The following PPP2R1B variants were observed in gnomAD, a reference collection of about 807,000 sequenced individuals.
PPP2R1B encodes protein phosphatase 2 scaffold subunit Abeta.
PPP2R1B carries 58 observed loss-of-function variants against 72.7 expected under a neutral mutation model. The observed-to-expected ratio is 0.80, with a 90% confidence interval of 0.65 to 0.99. The LOEUF is 0.99. PPP2R1B is among the 50% of genes least tolerant of loss of function. The probability of loss-of-function intolerance (pLI) is 0.00; values close to 1 mark genes in which losing one functional copy is unlikely to be tolerated. For missense variants in PPP2R1B, 695 were observed against 733.6 expected (o/e 0.95, Z 0.61); for synonymous variants, 256 against 264.6 (o/e 0.97, Z 0.32).
At chr11:111,720,010 TA>T in the PPP2R1B span, 1 of 1,609,842 alleles carries the variant, frequency 6.2e-7, no homozygotes, top group African/African-American at 1.3e-5. Context: ...GCAGGTACGG[TA>T]GAGGAGCGAC....
At chr11:111,708,006 C>G in the PPP2R1B span, among the ~76,000 whole-genome samples, 1 of 152,154 alleles carries the variant, frequency 6.6e-6, no homozygotes, top group African/African-American at 2.4e-5. Context: ...ACTGACATGC[C>G]AGGCACAGTC....
At chr11:111,744,758 G>C (rs1944645821) in intron 11 of PPP2R1B, among the ~76,000 whole-genome samples, 1 of 152,102 alleles carries the variant, frequency 6.6e-6, no homozygotes, top group Admixed American at 6.6e-5. Flanking sequence ...CCAAGAAATA[G>C]GCAACTTCTT....
the PPP2R1B span, among the ~76,000 whole-genome samples, chr11:111,711,411 G>A: frequency 6.6e-6 from 1 of 152,108 alleles, no homozygotes; most frequent in African/African-American, 2.4e-5. Context: ...ATGAGCCACC[G>A]CGCCTGGCCT....
the PPP2R1B span, among the ~76,000 whole-genome samples, chr11:111,717,888 G>T: frequency 2.0e-5 from 3 of 152,184 alleles, no homozygotes; most frequent in Admixed American, 6.5e-5. Context: ...TGGACACATG[G>T]AGGGGAACAA....
At chr11:111,762,346 T>C (rs1555051642) in intron 3 of PPP2R1B, among the ~76,000 whole-genome samples, 1 of 152,182 alleles carries the variant, frequency 6.6e-6, no homozygotes, top group East Asian at 1.9e-4. Flanking sequence ...AAAGATACTG[T>C]TTCTCACTTG....
At chr11:111,753,059 A>T (rs1591696433) in intron 9 of PPP2R1B, among the ~76,000 whole-genome samples, 2 of 152,362 alleles carry the variant, frequency 1.3e-5, no homozygotes, top group East Asian at 3.9e-4. Context: ...ATACATGCAA[A>T]GCACTAAGGC....
At chr11:111,727,112 TCCCGGTGACACTGACCGTC>T in intron 15 of PPP2R1B, 1 of 1,488,326 alleles carries the variant, frequency 6.7e-7, no homozygotes, top group Non-Finnish European at 9.4e-7. Context: ...ACTTTCACAT[TCCCGGTGACACTGACCGTC>T]CCCAGCTGCC....
rs781991718 is a variant in PPP2R1B, at chr11:111,759,911, G to A, written c.580C>T (p.Arg194Ter). The A allele has an allele frequency of 1.8e-5, 29 of 1,613,898 alleles. No homozygotes were observed. Among genetic ancestry groups the A allele is most frequent in the Non-Finnish European group, 2.1e-5 (25 of 1,179,970 alleles). The change falls in exon 5 of 15, where the codon CGA (arginine) becomes TGA (stop). Residue 194 changes from arginine to a stop codon, truncating the protein, a stop_gained. Coordinates refer to ENST00000527614, the MANE Select transcript of PPP2R1B (RefSeq NM_002716.5). LOFTEE classifies it high-confidence loss of function. The part of the protein sequence containing the change: ...SLCSDDTPMV[R>*]RAAASKLGEF... The stretch of plus-strand genomic sequence containing the variant: ...CCCAATTTGGAAGCAGCAGCACGTC[G>A]TACCATTGGTGTGTCATCTGAGCAC...
In PPP2R1B at chr11:111,738,267, T is replaced by TTTA. The variant is rs1250722132; in HGVS notation, c.*3326_*3328dup. Reference sequence around the variant, plus strand: ...CAAGCAGTGGAGAAAAATAAGAAGCTTTACGATAAGAGTGTCACCATTTTT... The same window carrying TTTA: ...CAAGCAGTGGAGAAAAATAAGAAGCTTTATTACGATAAGAGTGTCACCATTTTT... On this transcript the variant is annotated 3_prime_UTR_variant, in exon 15 of 15. Transcript: ENST00000527614. 1.0e-6 allele frequency: 1 copy of TTTA among 985,318 alleles called. No individual in the cohort carries two copies. The highest frequency in any genetic ancestry group is 1.2e-6 in the Non-Finnish European group (1 of 829,986). The allele number at this position is 985,318 out of a possible 1,614,324, so 61.0% of individuals were successfully genotyped here.
At chr11:111,735,753 TCAA>T (rs1017245531), downstream of PPP2R1B, among the ~76,000 whole-genome samples, 2 of 152,146 alleles carry the variant, frequency 1.3e-5, no homozygotes, top group African/African-American at 4.8e-5. Context: ...CCCAGGGCTC[TCAA>T]CAGCAGCGCG....
intron 5 of PPP2R1B, among the ~76,000 whole-genome samples, chr11:111,757,670 C>T (rs1942533279): frequency 6.6e-6 from 1 of 151,854 alleles, no homozygotes; most frequent in African/African-American, 2.4e-5. Flanking sequence ...CCCATCTGTA[C>T]TGAAAATACA....
Position 111,763,847 on chromosome 11 carries a change from A to ACTCT in PPP2R1B, c.306+954_306+957dup, listed in dbSNP as rs60119313. Reference sequence around the variant, plus strand: ...GCCTATATACATAGACAGAAAAAAAACTCTCTCTCTCTCTCTCTCTCTATA... The same window carrying ACTCT: ...GCCTATATACATAGACAGAAAAAAAACTCTCTCTCTCTCTCTCTCTCTCTCTATA... On this transcript the variant is annotated intron_variant, in intron 3 of 14. Coordinates refer to ENST00000527614, the MANE Select transcript of PPP2R1B (RefSeq NM_002716.5). Among the ~76,000 whole-genome samples the ACTCT allele has an allele frequency of 1.8e-3, 266 of 146,304 alleles. 2 individuals are homozygous for ACTCT. The East Asian group carries it at 0.033, about 18-fold the overall frequency.
the PPP2R1B span, among the ~76,000 whole-genome samples, chr11:111,693,298 C>T: frequency 2.0e-5 from 3 of 151,774 alleles, no homozygotes; most frequent in African/African-American, 7.3e-5. Flanking sequence ...TGTGCCACTG[C>T]CCTCCAGCCT....
chr11:111,765,990 C>T, intron 1 of PPP2R1B: 1 of 579,074 alleles, frequency 1.7e-6, no homozygotes, highest in East Asian at 3.4e-5. Context: ...GCGGGTTCCC[C>T]GACAACCGCC....
intron 10 of PPP2R1B, among the ~76,000 whole-genome samples, chr11:111,748,955 T>G (rs782511904): frequency 3.9e-5 from 6 of 151,946 alleles, no homozygotes; most frequent in Non-Finnish European, 7.4e-5. Flanking sequence ...CAAGTGATTC[T>G]CCTGCCTCAG....
Position 111,755,107 on chromosome 11 carries a change from T to C in PPP2R1B, c.844-13A>G. The C allele has an allele frequency of 1.3e-6, 2 of 1,593,184 alleles. No individual in the cohort carries two copies. Among genetic ancestry groups the C allele is most frequent in the East Asian group, 2.2e-5 (1 of 44,752 alleles). On this transcript the variant is annotated splice_polypyrimidine_tract_variant and intron_variant, in intron 6 of 14. Transcript: ENST00000527614. ...TGGCTTTCTGGAGCTATAAAAGAAT[T>C]TGAACGGGTTTTAATGTATACTAAC...
chr11:111,733,373 C>T (rs543439104), downstream of PPP2R1B, among the ~76,000 whole-genome samples: 1 of 152,230 alleles, frequency 6.6e-6, no homozygotes, highest in East Asian at 1.9e-4. Flanking sequence ...AAGCGGACTT[C>T]CCCTGGAGCC....
downstream of PPP2R1B, chr11:111,723,747 A>G: frequency 6.2e-7 from 1 of 1,614,100 alleles, no homozygotes; most frequent in African/African-American, 1.3e-5. Flanking sequence ...ATGCAGCTTC[A>G]GCCCCTGCCC....
At chr11:111,696,860 A>T in the PPP2R1B span, among the ~76,000 whole-genome samples, 3 of 152,202 alleles carry the variant, frequency 2.0e-5, no homozygotes, top group African/African-American at 7.2e-5. Context: ...GGCAGTAAGA[A>T]ATAAATCCTG....
Sources: allele counts gnomAD v4.1 joint callset (sites outside exome capture counted in the v4.1 genomes callset), GRCh38; gene constraint gnomAD v4.1.1; transcripts MANE v1.5; gene names NCBI Gene and HGNC (gene_info 2026-07-23, HGNC 2026-07-21).